DNAJC16: variants seen among roughly 807,000 people sequenced by gnomAD.
DNAJC16 encodes DnaJ heat shock protein family (Hsp40) member C16, also known as dnaJ homolog subfamily C member 16.
Under a neutral mutation model 92.7 loss-of-function variants are expected in DNAJC16, and 76 were observed. The observed-to-expected ratio is 0.82, with a 90% CI of 0.68 to 0.99. The LOEUF (loss-of-function observed/expected upper bound fraction) is 0.99. Among genes scored for constraint, DNAJC16 ranks in the 50% least tolerant of loss-of-function variants. The pLI, the probability that DNAJC16 is intolerant of heterozygous loss-of-function variation, is 0.00. For synonymous variants in DNAJC16, 328 were observed against 358.7 expected (o/e 0.91, Z 0.97); for missense variants, 869 against 942.4 (o/e 0.92, Z 1.02).
chr1:15,545,735 C>A (rs529420949), intron 5 of DNAJC16, among the ~76,000 whole-genome samples: 1 of 152,274 alleles, frequency 6.6e-6, no homozygotes, highest in South Asian at 2.1e-4. Context: ...GGAACTTGGG[C>A]CTTGGCCCAC....
Position 15,553,052 on chromosome 1 carries a change from G to A in DNAJC16, c.1023+4624G>A, listed in dbSNP as rs553883692. On this transcript the variant is annotated intron_variant, in intron 7 of 14. Coordinates refer to ENST00000375847, the MANE Select transcript of DNAJC16 (RefSeq NM_015291.4). ...CCCAAAGTGCTGGGATTACAGGTGTGAGCCACCGCGCCCGGCCTGTCTATT... is the reference window on the plus strand; with the variant it reads ...CCCAAAGTGCTGGGATTACAGGTGTAAGCCACCGCGCCCGGCCTGTCTATT... Among the ~76,000 whole-genome samples the A allele has an allele frequency of 6.6e-5, 10 of 151,812 alleles. No individual in the cohort carries two copies. In the South Asian group the frequency reaches 2.1e-3, roughly 32 times the overall value.
intron 7 of DNAJC16, among the ~76,000 whole-genome samples, chr1:15,552,665 A>T (rs953375851): frequency 6.6e-6 from 1 of 151,120 alleles, no homozygotes; most frequent in Non-Finnish European, 1.5e-5. Context: ...ATTTTTTTTT[A>T]AATTCTTGTC....
chr1:15,544,604 C>T, intron 5 of DNAJC16, 21 bp downstream of exon 5: 1 of 1,612,080 alleles, frequency 6.2e-7, no homozygotes, highest in Non-Finnish European at 8.5e-7. Context: ...GTCAAGGAAA[C>T]TATGGCTGAG....
intron 2 of DNAJC16, 82 bp downstream of exon 2, chr1:15,529,354 A>G: frequency 7.3e-7 from 1 of 1,373,700 alleles, no homozygotes; most frequent in Non-Finnish European, 9.9e-7. Context: ...ACTAGCTTTT[A>G]TTTGTCTCTG....
At chr1:15,554,024 C>CA (rs1638511891) in intron 7 of DNAJC16, among the ~76,000 whole-genome samples, 1 of 151,988 alleles carries the variant, frequency 6.6e-6, no homozygotes, top group African/African-American at 2.4e-5. Context: ...GGCAACATGG[C>CA]AAAACCTTGT....
chr1:15,528,953 A>G, intron 1 of DNAJC16, 135 bp from the exon 2 acceptor site: 1 of 664,228 alleles, frequency 1.5e-6, no homozygotes, highest in Non-Finnish European at 2.4e-6. Flanking sequence ...GATACAGTTC[A>G]ACAGCTTGAC....
intron 3 of DNAJC16, among the ~76,000 whole-genome samples, chr1:15,536,209 G>T (rs1043291494): frequency 3.3e-5 from 5 of 151,628 alleles, no homozygotes; most frequent in African/African-American, 1.2e-4. Context: ...GAGTAGCTGG[G>T]ATTACAGGCA....
chr1:15,539,253 T>A (rs1416489142), intron 4 of DNAJC16, among the ~76,000 whole-genome samples: 1 of 151,962 alleles, frequency 6.6e-6, no homozygotes, highest in Non-Finnish European at 1.5e-5. Flanking sequence ...ATTTTTTTTT[T>A]TTATTTTTTT....
intron 7 of DNAJC16, among the ~76,000 whole-genome samples, chr1:15,558,400 T>C (rs1406729561): frequency 6.6e-6 from 1 of 152,130 alleles, no homozygotes; most frequent in African/African-American, 2.4e-5. Flanking sequence ...TTGCCCAGGC[T>C]GGTCTCGATC....
chr1:15,563,782 G>A (rs1204677997), intron 9 of DNAJC16, 147 bp from the exon 10 acceptor site: 36 of 700,884 alleles, frequency 5.1e-5, no homozygotes, highest in Admixed American at 2.1e-4. Flanking sequence ...CCCGGGAGGC[G>A]GAGCTTGCAG....
At chr1:15,545,112 ATAGAGAAGCCAGATAAAGTTCACATT>A (rs1296696581) in intron 5 of DNAJC16, among the ~76,000 whole-genome samples, 1 of 152,232 alleles carries the variant, frequency 6.6e-6, no homozygotes, top group African/African-American at 2.4e-5. Flanking sequence ...AAAGGTTGAA[ATAGAGAAGCCAGATAAAGTTCACATT>A]GGTCTATTAT....
At chr1:15,558,404 C>T (rs1032314254) in intron 7 of DNAJC16, among the ~76,000 whole-genome samples, 1 of 152,018 alleles carries the variant, frequency 6.6e-6, no homozygotes, top group African/African-American at 2.4e-5. Context: ...CCAGGCTGGT[C>T]TCGATCTTCT....
intron 7 of DNAJC16, among the ~76,000 whole-genome samples, chr1:15,556,399 G>A (rs963724377): frequency 3.9e-5 from 6 of 152,006 alleles, no homozygotes; most frequent in Non-Finnish European, 8.8e-5. Context: ...GCAATGCCCC[G>A]CTAATTTTTG....
At chr1:15,552,045 T>G (rs1638456467) in intron 7 of DNAJC16, among the ~76,000 whole-genome samples, 1 of 151,306 alleles carries the variant, frequency 6.6e-6, no homozygotes, top group South Asian at 2.1e-4. Flanking sequence ...AAAAAAATTT[T>G]TTTTGTTTGA....
intron 8 of DNAJC16, chr1:15,560,093 G>A (rs1248136387): frequency 6.6e-6 from 1 of 150,820 alleles, no homozygotes; most frequent in Non-Finnish European, 1.5e-5. Context: ...ACACTGATTA[G>A]TGACTGTGAT....
intron 2 of DNAJC16, among the ~76,000 whole-genome samples, chr1:15,532,300 A>G (rs1411845656): frequency 6.6e-6 from 1 of 152,206 alleles, no homozygotes; most frequent in Admixed American, 6.5e-5. Context: ...CTCTACTTTG[A>G]ATTTTAAAGA....
rs1332178659 is a variant in DNAJC16, at chr1:15,571,473, A to G, written c.*3296A>G. On this transcript the variant is annotated 3_prime_UTR_variant, in exon 15 of 15. Coordinates refer to ENST00000375847, the MANE Select transcript of DNAJC16 (RefSeq NM_015291.4). The stretch of plus-strand genomic sequence containing the variant: ...GACATTGTCCCCTAAAAACAAGTGC[A>G]GTGTGGCAGCTGCTGAATCTGTCTG... The G allele has an allele frequency of 6.6e-6, 1 of 152,628 alleles. No individual in the cohort carries two copies. Among genetic ancestry groups the G allele is most frequent in the Non-Finnish European group, 1.5e-5 (1 of 68,024 alleles). The allele number at this position is 152,628 out of a possible 1,614,324, so 9.5% of individuals were successfully genotyped here.
chr1:15,531,207 T>C (rs1042238632), intron 2 of DNAJC16, among the ~76,000 whole-genome samples: 1 of 152,192 alleles, frequency 6.6e-6, no homozygotes, highest in Non-Finnish European at 1.5e-5. Flanking sequence ...ACTGCCACAT[T>C]GAGGTGATGC....
At chr1:15,544,728 T>A in intron 5 of DNAJC16, 145 bp downstream of exon 5, 1 of 755,938 alleles carries the variant, frequency 1.3e-6, no homozygotes, top group South Asian at 1.9e-5. Flanking sequence ...AATTAATTAC[T>A]CAAACTAAAT....
Sources: gnomAD v4.1 joint callset for allele counts (sites outside exome capture counted in the v4.1 genomes callset) on GRCh38, gnomAD v4.1.1 for gene constraint, MANE v1.5 for transcripts, NCBI Gene and HGNC (gene_info 2026-07-23, HGNC 2026-07-21) for gene names.